The following NOX4 variants were observed in gnomAD, a reference collection of about 807,000 sequenced individuals.
The protein encoded by NOX4 is kidney oxidase-1.
A neutral mutation model predicts 87.6 loss-of-function variants in NOX4; 69 were observed. The observed-to-expected ratio is 0.79, with a 90% CI of 0.65 to 0.96. NOX4 has a LOEUF of 0.96. Among genes scored for constraint, NOX4 ranks in the 40% least tolerant of loss-of-function variants. NOX4 has a pLI of 0.00. For synonymous variants in NOX4, 275 were observed against 238.2 expected, an observed-to-expected ratio of 1.15 and a Z score of -1.42; for missense variants, 680 against 681.5, an observed-to-expected ratio of 1.00 and a Z score of 0.02.
At chr11:89,355,531 C>A (rs1167024759) in intron 12 of NOX4, among the ~76,000 whole-genome samples, 1 of 151,184 alleles carries the variant, frequency 6.6e-6, no homozygotes, top group Non-Finnish European at 1.5e-5. Flanking sequence ...TATACATGAC[C>A]AATAAACATA....
chr11:89,568,244 G>C, the NOX4 span, among the ~76,000 whole-genome samples: 4 of 152,058 alleles, frequency 2.6e-5, no homozygotes, highest in Non-Finnish European at 5.9e-5. Flanking sequence ...ACTAAAATCC[G>C]AGCTGAACTG....
chr11:89,534,068 T>C, the NOX4 span: 1 of 152,364 alleles, frequency 6.6e-6, no homozygotes, highest in South Asian at 2.1e-4. Context: ...CAAATTTCTG[T>C]TTTAATCCTT....
the NOX4 span, among the ~76,000 whole-genome samples, chr11:89,534,850 A>G: frequency 6.6e-6 from 1 of 152,168 alleles, no homozygotes; most frequent in African/African-American, 2.4e-5. Context: ...TTTACTGTTC[A>G]TATCCACAAT....
chr11:89,480,643 A>G (rs1946358370), intron 2 of NOX4, among the ~76,000 whole-genome samples: 1 of 152,100 alleles, frequency 6.6e-6, no homozygotes, highest in Non-Finnish European at 1.5e-5. Flanking sequence ...AATTGCTTAC[A>G]AATTCTGTTC....
chr11:89,505,217 A>C, the NOX4 span, among the ~76,000 whole-genome samples: 88,854 of 151,548 alleles, frequency 0.59, 26,996 homozygotes, highest in Non-Finnish European at 0.7. Context: ...TTAAGTTAGA[A>C]ATCATTAATG....
intron 2 of NOX4, among the ~76,000 whole-genome samples, chr11:89,488,438 C>T (rs1038742345): frequency 6.6e-6 from 1 of 152,094 alleles, no homozygotes; most frequent in East Asian, 1.9e-4. Context: ...TGTTTCTGTG[C>T]ATATGTGATC....
intron 2 of NOX4, among the ~76,000 whole-genome samples, chr11:89,483,924 G>C (rs1946489665): frequency 6.6e-6 from 1 of 152,050 alleles, no homozygotes; most frequent in South Asian, 2.1e-4. Flanking sequence ...CTGGAACCAG[G>C]ATCTTTGGGC....
At chr11:89,530,925 A>G in the NOX4 span, among the ~76,000 whole-genome samples, 1 of 152,198 alleles carries the variant, frequency 6.6e-6, no homozygotes, top group Non-Finnish European at 1.5e-5. Context: ...GTGAAGGTGA[A>G]GAGAGATTTC....
rs1353625615 is a variant in NOX4 at position 89,411,541 on chromosome 11, C to A, written c.630-8999G>T. 2.6e-5 allele frequency among the ~76,000 whole-genome samples: 4 copies of A among 152,126 alleles called. No individual in the cohort carries two copies. In the East Asian group the frequency reaches 7.7e-4, roughly 29 times the overall value. The stretch of plus-strand genomic sequence containing the variant: ...CCTGGAAGCATTCACTACAAGCTGA[C>A]TGAGGAGTCCTTGGGCCTTGAATGA... On this transcript the variant is annotated intron_variant, in intron 8 of 17. Transcript: ENST00000263317.
At chr11:89,404,263 G>A (rs1032603560) in intron 8 of NOX4, among the ~76,000 whole-genome samples, 6 of 151,814 alleles carry the variant, frequency 4.0e-5, no homozygotes, top group South Asian at 2.1e-4. Context: ...ATTGGCCATC[G>A]GAAGGATAGT....
At chr11:89,403,351 G>A (rs1941983803) in intron 8 of NOX4, among the ~76,000 whole-genome samples, 1 of 152,094 alleles carries the variant, frequency 6.6e-6, no homozygotes, top group Non-Finnish European at 1.5e-5. Context: ...AGTATTGCAT[G>A]ACAAAGTAAG....
At chr11:89,551,776 A>G in the NOX4 span, among the ~76,000 whole-genome samples, 1 of 151,998 alleles carries the variant, frequency 6.6e-6, no homozygotes, top group Non-Finnish European at 1.5e-5. Flanking sequence ...CTGTTTGAAT[A>G]CCATTTTTTT....
intron 2 of NOX4, among the ~76,000 whole-genome samples, chr11:89,471,191 C>A (rs1388893169): frequency 6.6e-6 from 1 of 152,102 alleles, no homozygotes; most frequent in Non-Finnish European, 1.5e-5. Flanking sequence ...GCACTTAATT[C>A]TTTCTATTAT....
intron 7 of NOX4, among the ~76,000 whole-genome samples, chr11:89,426,462 C>A (rs1389163972): frequency 6.6e-6 from 1 of 151,938 alleles, no homozygotes; most frequent in Non-Finnish European, 1.5e-5. Flanking sequence ...TCAAGGAATT[C>A]CCTTGGCTAG....
intron 8 of NOX4, among the ~76,000 whole-genome samples, chr11:89,409,799 G>A (rs1053050998): frequency 6.6e-6 from 1 of 152,024 alleles, no homozygotes; most frequent in African/African-American, 2.4e-5. Context: ...TTAACATATT[G>A]AAAATATGTA....
intron 11 of NOX4, among the ~76,000 whole-genome samples, chr11:89,391,215 T>G (rs1437386026): frequency 6.6e-6 from 1 of 152,124 alleles, no homozygotes; most frequent in African/African-American, 2.4e-5. Context: ...TGACTGGTGT[T>G]GAAGAGTGTA....
chr11:89,387,205 C>T (rs1415022480), intron 11 of NOX4, among the ~76,000 whole-genome samples: 7 of 152,038 alleles, frequency 4.6e-5, no homozygotes, highest in Admixed American at 3.9e-4. Context: ...TCAGGCCTCT[C>T]AGCCCAAGAC....
chr11:89,354,231 G>C (rs1367662240), intron 13 of NOX4, among the ~76,000 whole-genome samples: 1 of 152,038 alleles, frequency 6.6e-6, no homozygotes, highest in Non-Finnish European at 1.5e-5. Context: ...TCTTTAGCCT[G>C]TTGCACACTA....
chr11:89,337,711 T>G (rs1467356264), intron 15 of NOX4, among the ~76,000 whole-genome samples, 196 bp from the exon 16 acceptor site: 1 of 152,104 alleles, frequency 6.6e-6, no homozygotes, highest in Non-Finnish European at 1.5e-5. Context: ...TAATCTGGCC[T>G]CTTGGTATTA....
Sources: allele counts gnomAD v4.1 joint callset (sites outside exome capture counted in the v4.1 genomes callset), GRCh38; gene constraint gnomAD v4.1.1; transcripts MANE v1.5; gene names NCBI Gene and HGNC (gene_info 2026-07-23, HGNC 2026-07-21).